The following TRAF7 variants were observed in gnomAD, a reference collection of about 807,000 sequenced individuals.
The protein encoded by TRAF7 is TNF receptor associated factor 7, also known as E3 ubiquitin-protein ligase TRAF7.
TRAF7 carries 45 observed loss-of-function variants against 89.3 expected under a neutral mutation model. The observed-to-expected ratio is 0.50, with a 90% CI of 0.40 to 0.65. The LOEUF is 0.65. Ranked by LOEUF, TRAF7 falls within the 30% of genes least tolerant of loss-of-function variation. TRAF7 has a pLI of 0.00. For missense variants in TRAF7, 677 were observed against 918.1 expected, an observed-to-expected ratio of 0.74 and a Z score of 3.39; for synonymous variants, 406 against 369.2, an observed-to-expected ratio of 1.10 and a Z score of -1.14.
At chr16:2,166,002 T>C in intron 3 of TRAF7, 66 bp downstream of exon 3, 2 of 1,595,428 alleles carry the variant, frequency 1.3e-6, no homozygotes, top group Non-Finnish European at 1.7e-6. Context: ...CCCACCCTGC[T>C]AAGGACTGAG....
Position 2,161,472 on chromosome 16 carries a change from C to T in TRAF7, c.-38-2411C>T, listed in dbSNP as rs978643014. Among the ~76,000 whole-genome samples, 30 of 152,110 alleles carry T rather than the reference C, an allele frequency of 2.0e-4. No individual in the cohort carries two copies. The highest frequency in any genetic ancestry group is 9.8e-4 in the Admixed American group (15 of 15,282). On this transcript the variant is annotated intron_variant, in intron 1 of 20. Coordinates refer to ENST00000326181, the MANE Select transcript of TRAF7 (RefSeq NM_032271.3). The surrounding 1 kb of genome is among the most constrained non-coding windows in gnomAD (Gnocchi z 5.2). ...TGAGCAACAGGCACTGAGGCCAGCC[C>T]GACCCATCCCAGGGGAGTGCCTGCT...
Position 2,176,847 on chromosome 16 carries a change from G to A in TRAF7, c.*273G>A, listed in dbSNP as rs567044076. ...ACCCTCCATCCCCACCCTAGATGGA[G>A]CGAGGGCCTTTTTACTCACCTTTTC... On this transcript the variant is annotated 3_prime_UTR_variant, in exon 21 of 21. Coordinates refer to ENST00000326181, the MANE Select transcript of TRAF7 (RefSeq NM_032271.3). 6 of 590,772 alleles carry A rather than the reference G, an allele frequency of 1.0e-5. No individual in the cohort carries two copies. In the East Asian group the frequency reaches 1.4e-4, roughly 14 times the overall value. The allele number at this position is 590,772 out of a possible 1,614,324, so 36.6% of individuals were successfully genotyped here.
rs570677539 is a variant in TRAF7, at chr16:2,163,660, C to T, written c.-38-223C>T. 28 of 533,150 alleles carry T rather than the reference C, an allele frequency of 5.3e-5. No homozygotes were observed. Among genetic ancestry groups the T allele is most frequent in the South Asian group, 4.0e-4 (20 of 49,474 alleles). The allele number at this position is 533,150 out of a possible 1,614,324, so 33.0% of individuals were successfully genotyped here. On this transcript the variant is annotated intron_variant, in intron 1 of 20. Coordinates refer to ENST00000326181, the MANE Select transcript of TRAF7 (RefSeq NM_032271.3). The surrounding 1 kb of genome is among the most constrained non-coding windows in gnomAD (Gnocchi z 4.3). ...CTCAGAAAGGCTAAGCCTTGAGGGA[C>T]GGTGACGCAGAGCCGCCTGCCTGCC...
rs1015807225 is a variant in TRAF7, at chr16:2,168,249, A to G, written c.231+81A>G. The G allele has an allele frequency of 1.8e-5, 22 of 1,239,454 alleles. No homozygotes were observed. Among genetic ancestry groups the G allele is most frequent in the Non-Finnish European group, 2.4e-5 (21 of 882,558 alleles). 76.8% of individuals were successfully genotyped at this position (1,239,454 alleles called of 1,614,324 possible). A position where few individuals can be genotyped will look rare whatever the true frequency, so the allele number is the denominator to read the frequency against. On this transcript the variant is annotated intron_variant, in intron 4 of 20. Coordinates refer to ENST00000326181, the MANE Select transcript of TRAF7 (RefSeq NM_032271.3). The surrounding 1 kb of genome is among the most constrained non-coding windows in gnomAD (Gnocchi z 4.1). Reference sequence around the variant, plus strand: ...CCTGGGGGAACCAGGTCCCAGGAGGAGTTGACAGTGAGCTGGTGAGGCACA... The same window carrying G: ...CCTGGGGGAACCAGGTCCCAGGAGGGGTTGACAGTGAGCTGGTGAGGCACA...
At position 2,173,418 on chromosome 16, in the gene TRAF7, G is replaced by T; in HGVS notation, c.1012+19G>T. ...AAGTTTGGTGAGGGTGGGCACCGGG[G>T]CAGGCAGGGGCCTGGCCACTGCTCC... On this transcript the variant is annotated intron_variant, in intron 10 of 20. Transcript: ENST00000326181. 6 of 1,612,212 alleles carry T rather than the reference G, an allele frequency of 3.7e-6. No individual in the cohort carries two copies. Among genetic ancestry groups the T allele is most frequent in the Non-Finnish European group, 5.1e-6 (6 of 1,178,970 alleles).
rs1002748719 is a variant in TRAF7, at chr16:2,162,787, G to T, written c.-38-1096G>T. ...GGCCCGGGGCAGGAGTCCTGGGCAC[G>T]TGGCCTTCCTCCCCACAGGGAGCTC... On this transcript the variant is annotated intron_variant, in intron 1 of 20. Transcript: ENST00000326181. The surrounding 1 kb of genome is among the most constrained non-coding windows in gnomAD (Gnocchi z 5.0). Among the ~76,000 whole-genome samples, 1 of 152,082 alleles carries T rather than the reference G, an allele frequency of 6.6e-6. No homozygotes were observed. Among genetic ancestry groups the T allele is most frequent in the Non-Finnish European group, 1.5e-5 (1 of 67,994 alleles).
chr16:2,169,371 C>A (rs946138048), intron 4 of TRAF7, among the ~76,000 whole-genome samples: 22 of 152,178 alleles, frequency 1.4e-4, no homozygotes, highest in Non-Finnish European at 3.1e-4. Context: ...TGTCTGGGCC[C>A]CGTCCCCTGG....
rs772052366 is a variant in TRAF7 at position 2,175,399 on chromosome 16, C to G, written c.1485C>G (p.Gly495=). 6.2e-7 allele frequency: 1 copy of G among 1,613,598 alleles called. No homozygotes were observed. The highest frequency in any genetic ancestry group is 1.1e-5 in the South Asian group (1 of 91,090). Residue 495 remains glycine (G), a synonymous_variant, in exon 16 of 21, where the codon GGC becomes GGG. Coordinates refer to ENST00000326181, the MANE Select transcript of TRAF7 (RefSeq NM_032271.3). ...CCTCACACAACGTGCTCTTCAGCGGCTCCCTGAAGGCCATCAAGGTACGGG... is the reference window on the plus strand; with the variant it reads ...CCTCACACAACGTGCTCTTCAGCGGGTCCCTGAAGGCCATCAAGGTACGGG... ...LVSSHNVLFS[G]SLKAIKVWDI... is the part of the protein sequence containing the mutation.
intron 4 of TRAF7, 125 bp from the exon 5 acceptor site, chr16:2,170,489 C>T: frequency 1.5e-6 from 1 of 687,204 alleles, no homozygotes; most frequent in Non-Finnish European, 2.5e-6. Context: ...AGGAGAGTAC[C>T]CGCAGGGACC....
chr16:2,164,676 G>A (rs1351112089), intron 2 of TRAF7, among the ~76,000 whole-genome samples: 138 of 136,496 alleles, frequency 1.0e-3, no homozygotes, highest in Admixed American at 2.5e-3. Context: ...TGTGTGGCGC[G>A]GCCTGGTTGC....
chr16:2,164,133 G>T (rs1263891009), intron 2 of TRAF7, 132 bp downstream of exon 2: 21 of 716,440 alleles, frequency 2.9e-5, no homozygotes, highest in South Asian at 2.4e-4. Flanking sequence ...CGGTGGGGGG[G>T]GGTGTGGTGT....
intron 6 of TRAF7, 47 bp downstream of exon 6, chr16:2,171,403 C>T (rs2093109827): frequency 2.0e-6 from 3 of 1,536,984 alleles, no homozygotes; most frequent in Non-Finnish European, 8.8e-7. Flanking sequence ...GAGGCCCCCA[C>T]AGGACCCCAG....
rs1047792061 is a variant in TRAF7, at chr16:2,170,807, C to T, written c.348+77C>T. Reference sequence around the variant, plus strand: ...CGTGGCACGGAGGCACCTTCCCCTCCGCCATGCCCGCCCAGCTCACAGGGA... The same window carrying T: ...CGTGGCACGGAGGCACCTTCCCCTCTGCCATGCCCGCCCAGCTCACAGGGA... On this transcript the variant is annotated intron_variant, in intron 5 of 20. Transcript: ENST00000326181. 7.5e-6 allele frequency: 10 copies of T among 1,332,188 alleles called. No homozygotes were observed. The Admixed American group carries it at 7.9e-5, about 11-fold the overall frequency. The allele number at this position is 1,332,188 out of a possible 1,614,324, so 82.5% of individuals were successfully genotyped here.
chr16:2,155,929 G>T lies in TRAF7; in HGVS notation c.-39+71G>T, dbSNP rs1402350433. 8.0e-5 allele frequency: 12 copies of T among 149,806 alleles called. No individual in the cohort carries two copies. In the East Asian group the frequency reaches 1.4e-3, roughly 17 times the overall value. 9.3% of individuals were successfully genotyped at this position (149,806 alleles called of 1,614,324 possible). On this transcript the variant is annotated intron_variant, in intron 1 of 20. Coordinates refer to ENST00000326181, the MANE Select transcript of TRAF7 (RefSeq NM_032271.3). The stretch of plus-strand genomic sequence containing the variant: ...ACCGCGCGGTGGGGCGGGATCGGGC[G>T]CGTGGAGATCGAGGCGAGGCGAGGC...
In TRAF7 at chr16:2,161,780, A is replaced by G. The variant is rs1252667686; in HGVS notation, c.-38-2103A>G. On this transcript the variant is annotated intron_variant, in intron 1 of 20. Coordinates refer to ENST00000326181, the MANE Select transcript of TRAF7 (RefSeq NM_032271.3). The surrounding 1 kb of genome is among the most constrained non-coding windows in gnomAD (Gnocchi z 5.2). Reference sequence around the variant, plus strand: ...ACATCCTCACCCCAAGCACAATGGCAAAAGGCAAGCCCTGGCCAGCTCTCC... The same window carrying G: ...ACATCCTCACCCCAAGCACAATGGCGAAAGGCAAGCCCTGGCCAGCTCTCC... Among the ~76,000 whole-genome samples the G allele has an allele frequency of 6.6e-6, 1 of 152,164 alleles. No homozygotes were observed. Among genetic ancestry groups the G allele is most frequent in the Admixed American group, 6.5e-5 (1 of 15,270 alleles).
At chr16:2,172,978 T>C (rs547801251) in intron 9 of TRAF7, among the ~76,000 whole-genome samples, 2 of 148,418 alleles carry the variant, frequency 1.3e-5, no homozygotes, top group East Asian at 4.0e-4. Context: ...TGAAGAGCTC[T>C]GCGGGGGTGA....
intron 2 of TRAF7, among the ~76,000 whole-genome samples, 172 bp downstream of exon 2, chr16:2,164,173 CGCGCGCGCACGCGT>C (rs1267511259): frequency 1.2e-4 from 14 of 121,500 alleles, no homozygotes; most frequent in Admixed American, 4.0e-4. Context: ...CGCGCGCGCG[CGCGCGCGCACGCGT>C]GCGTGTGTGG....
At position 2,175,369 on chromosome 16, in the gene TRAF7, G is replaced by A; in HGVS notation, c.1455G>A (p.Leu485=). The A allele has an allele frequency of 6.2e-7, 1 of 1,613,620 alleles. No homozygotes were observed. ...CCCATGACAACCCGGTGTGCACGCT[G>A]GTCTCCTCACACAACGTGCTCTTCA... ...IRAHDNPVCT[L]VSSHNVLFSG... The change falls in exon 16 of 21, where the codon CTG becomes CTA. Residue 485 remains leucine, a synonymous_variant. Coordinates refer to ENST00000326181, the MANE Select transcript of TRAF7 (RefSeq NM_032271.3).
intron 3 of TRAF7, among the ~76,000 whole-genome samples, chr16:2,166,231 C>A (rs1182649643): frequency 6.6e-6 from 1 of 152,234 alleles, no homozygotes; most frequent in African/African-American, 2.4e-5. Flanking sequence ...CACCACCACA[C>A]AGCCCTGTCC....
Sources: gnomAD v4.1 joint callset for allele counts (sites outside exome capture counted in the v4.1 genomes callset) on GRCh38, gnomAD v4.1.1 for gene constraint, Gnocchi (gnomAD v3.1) non-coding constraint, MANE v1.5 for transcripts, NCBI Gene and HGNC (gene_info 2026-07-23, HGNC 2026-07-21) for gene names.